Variants in DPH6 observed in about 807,000 individuals in gnomAD.
DPH6 encodes the protein diphthine--ammonia ligase.
Under a neutral mutation model 38.2 loss-of-function variants are expected in DPH6, and 33 were observed. The observed-to-expected ratio is 0.86, with a 90% CI of 0.65 to 1.15. The LOEUF is 1.15. Ranked by LOEUF, DPH6 falls within the 50% of genes most tolerant of loss-of-function variation. The pLI, the probability that DPH6 is intolerant of heterozygous loss-of-function variation, is 0.00. For synonymous variants in DPH6, 108 were observed against 103.0 expected (o/e 1.05, Z -0.30); for missense variants, 325 against 320.0 (o/e 1.02, Z -0.12).
At chr15:35,200,745 T>A in the DPH6 span, among the ~76,000 whole-genome samples, 2 of 151,614 alleles carry the variant, frequency 1.3e-5, no homozygotes, top group Non-Finnish European at 2.9e-5. Context: ...AAGAAAAAAA[T>A]AATAAAAATA....
chr15:35,359,609 A>G (rs1434844636), intron 3 of DPH6, among the ~76,000 whole-genome samples: 1 of 152,150 alleles, frequency 6.6e-6, no homozygotes, highest in East Asian at 1.9e-4. Context: ...CTCCAGCTAA[A>G]GTCGGAAACT....
At chr15:35,485,298 T>C (rs756858485) in intron 3 of DPH6, among the ~76,000 whole-genome samples, 1 of 152,230 alleles carries the variant, frequency 6.6e-6, no homozygotes, top group Admixed American at 6.5e-5. Flanking sequence ...GTGAAGGTGA[T>C]TGAGATCTTT....
the DPH6 span, among the ~76,000 whole-genome samples, chr15:35,184,865 G>A: frequency 3.3e-5 from 5 of 152,218 alleles, no homozygotes; most frequent in South Asian, 2.1e-4. Flanking sequence ...ATTTTACCAC[G>A]CAATTTCAAT....
At chr15:35,495,314 G>C (rs2054535274) in intron 3 of DPH6, among the ~76,000 whole-genome samples, 1 of 152,146 alleles carries the variant, frequency 6.6e-6, no homozygotes, top group Non-Finnish European at 1.5e-5. Context: ...AAGGAACACT[G>C]TTTAAAGACT....
chr15:35,226,893 G>T (rs112701105), intron 3 of DPH6, among the ~76,000 whole-genome samples: 1 of 152,156 alleles, frequency 6.6e-6, no homozygotes, highest in African/African-American at 2.4e-5. Flanking sequence ...CTTTAAGTAG[G>T]ATTGGTATCA....
chr15:35,453,906 T>C (rs1048829297), intron 4 of DPH6, among the ~76,000 whole-genome samples: 2 of 152,124 alleles, frequency 1.3e-5, no homozygotes, highest in African/African-American at 4.8e-5. Flanking sequence ...ATACAGCCAT[T>C]ATCTTATTCT....
In DPH6 at chr15:35,544,500, A is replaced by C. The variant is rs546764936; in HGVS notation, c.23+1619T>G. Reference sequence around the variant, plus strand: ...CATGTAACCCAGAACTTAAAGTATAATAAAAAAAAAATTTAAAAAAGGAAA... The same window carrying C: ...CATGTAACCCAGAACTTAAAGTATACTAAAAAAAAAATTTAAAAAAGGAAA... On this transcript the variant is annotated intron_variant, in intron 1 of 8. Transcript: ENST00000256538. 3.9e-5 allele frequency among the ~76,000 whole-genome samples: 6 copies of C among 152,210 alleles called. No homozygotes were observed. The East Asian group carries it at 1.2e-3, about 29-fold the overall frequency.
At chr15:35,483,479 A>G (rs2054356207) in intron 3 of DPH6, among the ~76,000 whole-genome samples, 1 of 152,006 alleles carries the variant, frequency 6.6e-6, no homozygotes, top group Non-Finnish European at 1.5e-5. Flanking sequence ...AAAACCAAAA[A>G]AAAAAAACCA....
rs61113932 is a variant in DPH6 at position 35,478,405 on chromosome 15, A to AC, written c.313-23586_313-23585insG. On this transcript the variant is annotated intron_variant, in intron 3 of 8. Coordinates refer to ENST00000256538, the MANE Select transcript of DPH6 (RefSeq NM_080650.4). ...CACACACACACACACACACACACAC[A>AC]AAGATTGTAAAAATATGCAGTGGAT... Among the ~76,000 whole-genome samples, 657 of 136,354 alleles carry AC rather than the reference A, an allele frequency of 4.8e-3. 4 individuals carry two copies. The highest frequency in any genetic ancestry group is 0.018 in the African/African-American group (609 of 33,352). 89.5% of individuals were successfully genotyped at this position (136,354 alleles called of 152,430 possible).
the DPH6 span, among the ~76,000 whole-genome samples, chr15:35,206,106 G>A: frequency 6.6e-6 from 1 of 152,044 alleles, no homozygotes; most frequent in African/African-American, 2.4e-5. Flanking sequence ...CTTTGTGATT[G>A]CGAAAATAAG....
intron 3 of DPH6, among the ~76,000 whole-genome samples, chr15:35,313,807 A>G (rs1348527226): frequency 6.6e-6 from 1 of 152,216 alleles, no homozygotes; most frequent in Non-Finnish European, 1.5e-5. Flanking sequence ...AATTGACTTA[A>G]GACTTAAATC....
chr15:35,409,259 A>G (rs1244633108), intron 6 of DPH6, among the ~76,000 whole-genome samples: 1 of 151,910 alleles, frequency 6.6e-6, no homozygotes, highest in African/African-American at 2.4e-5. Flanking sequence ...AAGATGCATC[A>G]TCCACTTAAA....
intron 6 of DPH6, among the ~76,000 whole-genome samples, chr15:35,395,909 T>TAGA (rs1156337997): frequency 2.0e-5 from 3 of 152,166 alleles, no homozygotes; most frequent in African/African-American, 7.2e-5. Flanking sequence ...TAGAAGTTCT[T>TAGA]ACACATACTT....
the DPH6 span, among the ~76,000 whole-genome samples, chr15:35,156,191 G>T: frequency 6.6e-6 from 1 of 152,130 alleles, no homozygotes. Flanking sequence ...AAATTGGTTT[G>T]TGAGACTGAA....
intron 3 of DPH6, among the ~76,000 whole-genome samples, chr15:35,241,201 C>T (rs2051595993): frequency 7.0e-6 from 1 of 143,854 alleles, no homozygotes; most frequent in Admixed American, 7.5e-5. Context: ...CCAAGGCTCT[C>T]TGACTGACTC....
At chr15:35,339,854 C>T (rs2052406811) in intron 3 of DPH6, among the ~76,000 whole-genome samples, 1 of 152,100 alleles carries the variant, frequency 6.6e-6, no homozygotes, top group Admixed American at 6.6e-5. Flanking sequence ...GATGTACATT[C>T]TGTTGTTTTT....
At chr15:35,270,827 A>G (rs555878808) in intron 3 of DPH6, among the ~76,000 whole-genome samples, 1 of 152,362 alleles carries the variant, frequency 6.6e-6, no homozygotes, top group Non-Finnish European at 1.5e-5. Flanking sequence ...TAACACAGAC[A>G]AGATACTTAA....
At chr15:35,312,072 G>C (rs1371960000) in intron 3 of DPH6, among the ~76,000 whole-genome samples, 1 of 150,278 alleles carries the variant, frequency 6.7e-6, no homozygotes, top group African/African-American at 2.4e-5. Flanking sequence ...TGGGTACCAG[G>C]GAAAACAGAC....
the DPH6 span, among the ~76,000 whole-genome samples, chr15:35,198,224 T>G: frequency 3.3e-5 from 5 of 151,844 alleles, no homozygotes; most frequent in East Asian, 5.8e-4. Flanking sequence ...TAAAGAATAC[T>G]AGGCTTCTAA....
Sources: gnomAD v4.1 joint callset for allele counts (sites outside exome capture counted in the v4.1 genomes callset) on GRCh38, gnomAD v4.1.1 for gene constraint, MANE v1.5 for transcripts, NCBI Gene and HGNC (gene_info 2026-07-23, HGNC 2026-07-21) for gene names.